DHX8: variants seen among roughly 807,000 people sequenced by gnomAD.
The protein encoded by DHX8 is DEAH-box helicase 8.
Under a neutral mutation model 140.7 loss-of-function variants are expected in DHX8, and 67 were observed. The ratio of observed to expected loss-of-function variants is 0.48; its 90% CI spans 0.39 to 0.58. The LOEUF is 0.58. Ranked by LOEUF, DHX8 falls within the 20% of genes least tolerant of loss-of-function variation. The probability of loss-of-function intolerance (pLI) is 0.00; values close to 1 mark genes in which losing one functional copy is unlikely to be tolerated. For synonymous variants in DHX8, 533 were observed against 553.2 expected (o/e 0.96, Z 0.51); for missense variants, 887 against 1,550.7 (o/e 0.57, Z 7.19).
intron 3 of DHX8, among the ~76,000 whole-genome samples, chr17:43,537,106 C>G (rs971394429): frequency 6.6e-6 from 1 of 152,230 alleles, no homozygotes; most frequent in Non-Finnish European, 1.5e-5. Context: ...TGGCTCACGC[C>G]TATAATCCCA....
chr17:43,500,202 T>C, intron 11 of DHX8, 99 bp downstream of exon 11: 1 of 1,390,366 alleles, frequency 7.2e-7, no homozygotes, highest in Non-Finnish European at 9.7e-7. Flanking sequence ...AATTTACCCT[T>C]GGGCCGGGGC....
intron 11 of DHX8, among the ~76,000 whole-genome samples, chr17:43,500,425 T>C (rs984533293): frequency 6.6e-6 from 1 of 151,932 alleles, no homozygotes. Context: ...AGGTGGAAGT[T>C]GCAGTGAGCT....
chr17:43,486,386 G>A lies in DHX8; in HGVS notation c.148+2201G>A, dbSNP rs1212786470. ...TAATTTATGTATTTAATTTTTGGGA[G>A]AGTTGAGATAGTAGAGTTTCCGATG... On this transcript the variant is annotated intron_variant, in intron 1 of 22. Transcript: ENST00000262415. 2.0e-5 allele frequency among the ~76,000 whole-genome samples: 3 copies of A among 152,100 alleles called. No homozygotes were observed. In the East Asian group the frequency reaches 5.8e-4, roughly 29 times the overall value.
chr17:43,507,720 C>T (rs748801075), intron 14 of DHX8, 32 bp downstream of exon 14: 50 of 1,612,250 alleles, frequency 3.1e-5, no homozygotes, highest in Non-Finnish European at 4.2e-5. Flanking sequence ...ACCCCTCTAC[C>T]TGTTGGAAGC....
chr17:43,505,729 A>G (rs1969457894), intron 12 of DHX8, among the ~76,000 whole-genome samples: 1 of 152,120 alleles, frequency 6.6e-6, no homozygotes, highest in Non-Finnish European at 1.5e-5. Context: ...TACTCAGTCA[A>G]TAAACTCATA....
At chr17:43,536,540 CATT>C (rs2154587160) in intron 3 of DHX8, 1 of 1,468,796 alleles carries the variant, frequency 6.8e-7, no homozygotes, top group East Asian at 2.3e-5. Flanking sequence ...TGGGAGGCTC[CATT>C]ATTACAGCCC....
chr17:43,512,923 A>G (rs114102538), intron 16 of DHX8, among the ~76,000 whole-genome samples: 223 of 152,212 alleles, frequency 1.5e-3, no homozygotes, highest in African/African-American at 5.2e-3. Flanking sequence ...TATTCCGCAA[A>G]ATACAAGCAG....
intron 1 of DHX8, among the ~76,000 whole-genome samples, chr17:43,484,949 C>T (rs1382839348): frequency 2.0e-5 from 3 of 152,168 alleles, no homozygotes; most frequent in African/African-American, 7.2e-5. Context: ...TGTACTATGT[C>T]TTAAACACCA....
intron 21 of DHX8, 30 bp from the exon 22 acceptor site, chr17:43,522,017 G>A: frequency 6.2e-7 from 1 of 1,608,688 alleles, no homozygotes; most frequent in Admixed American, 1.7e-5. Context: ...AAAGCTGAGT[G>A]GGCTCATATC....
chr17:43,530,158 A>T (rs1318317641), downstream of DHX8: 6 of 1,559,072 alleles, frequency 3.8e-6, no homozygotes, highest in Admixed American at 1.2e-4. Flanking sequence ...GTGTGGAGGT[A>T]CATTGATGCG....
At chr17:43,518,573 A>ATATTAT (rs67836281) in intron 18 of DHX8, 8 of 151,696 alleles carry the variant, frequency 5.3e-5, no homozygotes, top group Non-Finnish European at 1.2e-4. Flanking sequence ...TTGGTAGACT[A>ATATTAT]TATTATTATT....
intron 1 of DHX8, 88 bp from the exon 2 acceptor site, chr17:43,489,361 A>G: frequency 1.1e-6 from 1 of 885,192 alleles, no homozygotes. Flanking sequence ...TTACTGTTGG[A>G]TAACCTAATT....
chr17:43,530,146 C>G (rs1398725788), downstream of DHX8: 2 of 1,564,068 alleles, frequency 1.3e-6, no homozygotes, highest in Admixed American at 1.9e-5. Flanking sequence ...GAGAAGCCCT[C>G]TGTGTGGAGG....
chr17:43,492,138 T>C, intron 4 of DHX8, 45 bp from the exon 5 acceptor site: 2 of 1,359,454 alleles, frequency 1.5e-6, no homozygotes, highest in Non-Finnish European at 2.1e-6. Flanking sequence ...ATACAGATTC[T>C]TGAGTAGTTT....
chr17:43,526,829 C>T (rs1970635186), downstream of DHX8: 2 of 580,682 alleles, frequency 3.4e-6, no homozygotes, highest in Admixed American at 3.6e-5. Context: ...TAAATTATGT[C>T]AGTACATTGA....
At chr17:43,523,176 T>A (rs1743872008) in intron 22 of DHX8, among the ~76,000 whole-genome samples, 1 of 151,838 alleles carries the variant, frequency 6.6e-6, no homozygotes, top group South Asian at 2.1e-4. Context: ...AGAACCCTAA[T>A]ATAAAACTGA....
At chr17:43,485,324 G>T (rs1968076542) in intron 1 of DHX8, among the ~76,000 whole-genome samples, 2 of 152,096 alleles carry the variant, frequency 1.3e-5, no homozygotes, top group Non-Finnish European at 2.9e-5. Flanking sequence ...GAAGTTAGAC[G>T]AGTGACCTTT....
chr17:43,506,275 G>A (rs966224833), intron 12 of DHX8, among the ~76,000 whole-genome samples: 1 of 151,112 alleles, frequency 6.6e-6, no homozygotes, highest in African/African-American at 2.4e-5. Context: ...CAAAGTGCTA[G>A]GATTACAGGC....
At chr17:43,497,773 G>T (rs755674386) in intron 9 of DHX8, among the ~76,000 whole-genome samples, 3 of 151,988 alleles carry the variant, frequency 2.0e-5, no homozygotes, top group Non-Finnish European at 4.4e-5. Flanking sequence ...AAAATTACTG[G>T]GTAGTAAGAA....
Sources: allele counts gnomAD v4.1 joint callset (sites outside exome capture counted in the v4.1 genomes callset), GRCh38; gene constraint gnomAD v4.1.1; transcripts MANE v1.5; gene names NCBI Gene and HGNC (gene_info 2026-07-23, HGNC 2026-07-21).